The following PARD3 variants were observed in gnomAD, a reference collection of about 807,000 sequenced individuals.
PARD3 encodes the protein par-3 family cell polarity regulator.
A neutral mutation model predicts 155.4 loss-of-function variants in PARD3; 75 were observed. That is an observed-to-expected ratio of 0.48 (90% confidence interval 0.40 to 0.58). The LOEUF (loss-of-function observed/expected upper bound fraction) is 0.58, where lower values mean the gene tolerates loss of function less well. Among genes scored for constraint, PARD3 ranks in the 20% least tolerant of loss-of-function variants. The pLI is 0.00. For missense variants in PARD3, 1,642 were observed against 1,721.7 expected (o/e 0.95, Z 0.82); for synonymous variants, 576 against 610.5 (o/e 0.94, Z 0.83).
chr10:34,678,679 A>G (rs1344093537), intron 2 of PARD3, among the ~76,000 whole-genome samples: 1 of 152,238 alleles, frequency 6.6e-6, no homozygotes, highest in Non-Finnish European at 1.5e-5. Flanking sequence ...TTCACAAATG[A>G]ATTGATAGCA....
At chr10:34,289,334 C>G (rs569698871) in intron 20 of PARD3, among the ~76,000 whole-genome samples, 16 of 152,128 alleles carry the variant, frequency 1.1e-4, no homozygotes, top group South Asian at 1.0e-3. Flanking sequence ...GGACTACAGT[C>G]GTGCGCCACC....
chr10:34,276,749 C>G (rs1220451604), intron 21 of PARD3, among the ~76,000 whole-genome samples: 1 of 152,066 alleles, frequency 6.6e-6, no homozygotes, highest in Non-Finnish European at 1.5e-5. Context: ...TTCCAAACTC[C>G]TTGGGATGCA....
Position 34,450,420 on chromosome 10 carries a change from C to T in PARD3, c.611G>A (p.Arg204Gln), listed in dbSNP as rs376357232. Reference protein sequence around the residue: ...KKDENYRSLPRDTSNWSNQFQ... With the variant: ...KKDENYRSLPQDTSNWSNQFQ... ...TTGGTTAGACCAGTTACTAGTATCC[C>T]GCGGGAGGCTTCTGTAGTTTTCATC... The change falls in exon 5 of 25, where the codon CGG becomes CAG. Residue 204 changes from arginine to glutamine, a missense_variant. By Grantham distance (43) the Arg-to-Gln change is conservative. This residue lies in a region of PARD3 where 1,529 missense variants were observed against 1,587.3 expected (regional missense o/e 0.96). Coordinates refer to ENST00000374788, the MANE Select transcript of PARD3 (RefSeq NM_001184785.2). 20 of 1,613,196 alleles carry T rather than the reference C, an allele frequency of 1.2e-5. No homozygotes were observed. The highest frequency in any genetic ancestry group is 9.4e-5 in the African/African-American group (7 of 74,860).
At chr10:34,254,734 T>C (rs1186838569) in intron 22 of PARD3, among the ~76,000 whole-genome samples, 3 of 152,154 alleles carry the variant, frequency 2.0e-5, no homozygotes, top group Non-Finnish European at 4.4e-5. Context: ...TGGTCTGCTA[T>C]GTGATACCAG....
intron 2 of PARD3, among the ~76,000 whole-genome samples, chr10:34,626,937 G>A (rs945541065): frequency 2.6e-5 from 4 of 152,048 alleles, no homozygotes; most frequent in African/African-American, 4.8e-5. Context: ...AGGATGACAC[G>A]TCATCTTCGC....
rs1564399683 is a variant in PARD3 at position 34,111,264 on chromosome 10, C to A, written c.3967G>T (p.Gly1323Trp). The A allele has an allele frequency of 6.2e-7, 1 of 1,613,548 alleles. No homozygotes were observed. Among genetic ancestry groups the A allele is most frequent in the Admixed American group, 1.7e-5 (1 of 60,012 alleles). The stretch of plus-strand genomic sequence containing the variant: ...GGGGGCACATCTTGCCGGAAGGGCC[C>A]CTTGGGAGGGGCGTAACTGGGGTCC... ...VQDPSYAPPK[G>W]PFRQDVPPSP... The change falls in exon 25 of 25, where the codon GGG becomes TGG. Residue 1323 changes from glycine (G) to tryptophan (W), a missense_variant. Gly to Trp is a radical substitution (Grantham distance 184). This residue lies in a region of PARD3 where 1,529 missense variants were observed against 1,587.3 expected (regional missense o/e 0.96). Transcript: ENST00000374788.
chr10:34,208,848 G>A (rs1951604884), intron 22 of PARD3, among the ~76,000 whole-genome samples: 1 of 152,034 alleles, frequency 6.6e-6, no homozygotes, highest in African/African-American at 2.4e-5. Flanking sequence ...TGATGTCATT[G>A]AAAAAATTAA....
intron 5 of PARD3, among the ~76,000 whole-genome samples, chr10:34,415,688 G>T (rs982626130): frequency 6.6e-6 from 1 of 152,170 alleles, no homozygotes; most frequent in African/African-American, 2.4e-5. Context: ...GCACCTCAGT[G>T]GGATTAAGGA....
chr10:34,182,698 C>T (rs1950318321), intron 22 of PARD3, among the ~76,000 whole-genome samples: 1 of 149,822 alleles, frequency 6.7e-6, no homozygotes. Flanking sequence ...CTCAGTACCA[C>T]CAATAAGTGG....
chr10:34,608,558 G>A (rs2090642158), intron 2 of PARD3, among the ~76,000 whole-genome samples: 5 of 132,888 alleles, frequency 3.8e-5, no homozygotes, highest in African/African-American at 9.3e-5. Context: ...TTTTTGAGAC[G>A]GAATCTCACT....
chr10:34,507,218 A>G lies in PARD3; in HGVS notation c.403+9761T>C, dbSNP rs531620173. 7.2e-5 allele frequency among the ~76,000 whole-genome samples: 11 copies of G among 152,322 alleles called. No individual in the cohort carries two copies. The East Asian group carries it at 2.1e-3, about 29-fold the overall frequency. Reference sequence around the variant, plus strand: ...AAGTAAGCCCTGTATTACAAATACTAAGATGACCAATAATTTACTTAATTT... The same window carrying G: ...AAGTAAGCCCTGTATTACAAATACTGAGATGACCAATAATTTACTTAATTT... On this transcript the variant is annotated intron_variant, in intron 3 of 24. Coordinates refer to ENST00000374788, the MANE Select transcript of PARD3 (RefSeq NM_001184785.2).
At chr10:34,621,873 A>C (rs528866415) in intron 2 of PARD3, among the ~76,000 whole-genome samples, 24 of 152,304 alleles carry the variant, frequency 1.6e-4, no homozygotes, top group Middle Eastern at 6.8e-3. Flanking sequence ...TTCACATAAA[A>C]TGTATTTTGA....
intron 2 of PARD3, among the ~76,000 whole-genome samples, chr10:34,681,734 A>ATATATT: frequency 9.7e-5 from 1 of 10,290 alleles, no homozygotes; most frequent in African/African-American, 4.0e-4. Flanking sequence ...TGTATTTTAT[A>ATATATT]TATATATATA....
At chr10:34,693,760 G>A (rs1418327457) in intron 2 of PARD3, among the ~76,000 whole-genome samples, 1 of 152,190 alleles carries the variant, frequency 6.6e-6, no homozygotes, top group African/African-American at 2.4e-5. Flanking sequence ...GAACCTGGGA[G>A]GTTGAGGCTG....
intron 15 of PARD3, among the ~76,000 whole-genome samples, chr10:34,342,944 TTATA>T (rs998679706): frequency 6.6e-6 from 1 of 152,180 alleles, no homozygotes; most frequent in African/African-American, 2.4e-5. Flanking sequence ...AATTAACAGC[TTATA>T]TAAATGCTAA....
At chr10:34,454,424 C>T (rs1195381681) in intron 4 of PARD3, among the ~76,000 whole-genome samples, 1 of 151,834 alleles carries the variant, frequency 6.6e-6, no homozygotes, top group Non-Finnish European at 1.5e-5. Flanking sequence ...AAAATATTTG[C>T]TTTAGCATAA....
chr10:34,314,929 A>G (rs1215574591), intron 20 of PARD3, among the ~76,000 whole-genome samples: 1 of 152,336 alleles, frequency 6.6e-6, no homozygotes, highest in Non-Finnish European at 1.5e-5. Flanking sequence ...TCACCAGCCA[A>G]GGTGGGCTGA....
At chr10:34,452,183 T>C (rs1222313401) in intron 4 of PARD3, among the ~76,000 whole-genome samples, 1 of 152,168 alleles carries the variant, frequency 6.6e-6, no homozygotes, top group African/African-American at 2.4e-5. Flanking sequence ...TTTCCCACCA[T>C]TTGAGGTGAT....
chr10:34,477,337 A>T (rs924333142), intron 3 of PARD3, among the ~76,000 whole-genome samples: 6 of 152,228 alleles, frequency 3.9e-5, no homozygotes, highest in African/African-American at 1.4e-4. Flanking sequence ...ATTAAAAAGA[A>T]AATTCAAAGA....
Sources: allele counts gnomAD v4.1 joint callset (sites outside exome capture counted in the v4.1 genomes callset), GRCh38; gene constraint gnomAD v4.1.1; regional missense constraint gnomAD v4.1.1; transcripts MANE v1.5; gene names NCBI Gene and HGNC (gene_info 2026-07-23, HGNC 2026-07-21).